The following TBXAS1 variants were observed in gnomAD, a reference collection of about 807,000 sequenced individuals.
The protein encoded by TBXAS1 is thromboxane-A synthase.
TBXAS1 carries 48 observed loss-of-function variants against 60.7 expected under a neutral mutation model. The ratio of observed to expected loss-of-function variants is 0.79; its 90% CI spans 0.63 to 1.01. The LOEUF is 1.01. Among genes scored for constraint, TBXAS1 ranks in the 50% least tolerant of loss-of-function variants. TBXAS1 has a pLI of 0.00. For missense variants in TBXAS1, 685 were observed against 686.3 expected (o/e 1.00, Z 0.02); for synonymous variants, 287 against 269.7 (o/e 1.06, Z -0.63).
chr7:139,939,021 C>T (rs935414572), intron 5 of TBXAS1, among the ~76,000 whole-genome samples: 3 of 152,142 alleles, frequency 2.0e-5, no homozygotes, highest in African/African-American at 7.2e-5. Flanking sequence ...ATGCATAGTG[C>T]CTGAATTAAT....
At chr7:139,992,158 G>A (rs929625441) in intron 9 of TBXAS1, among the ~76,000 whole-genome samples, 3 of 152,194 alleles carry the variant, frequency 2.0e-5, no homozygotes, top group Admixed American at 2.0e-4. Flanking sequence ...AGGCCAGCTG[G>A]CAGCCCCCCT....
chr7:139,961,125 G>A (rs948199517), intron 8 of TBXAS1, among the ~76,000 whole-genome samples: 3 of 152,188 alleles, frequency 2.0e-5, no homozygotes, highest in Non-Finnish European at 4.4e-5. Context: ...CTACTTAAAC[G>A]GGGGCAGGGG....
chr7:139,987,637 G>T (rs142775313), intron 9 of TBXAS1, among the ~76,000 whole-genome samples: 124 of 152,178 alleles, frequency 8.1e-4, no homozygotes, highest in South Asian at 1.5e-3. Flanking sequence ...CAGGACCCCC[G>T]ACCCTAAAAC....
At position 140,015,693 on chromosome 7, in the gene TBXAS1, T is replaced by C. The variant is rs778186591; in HGVS notation, c.1227-30T>C. The C allele has an allele frequency of 3.1e-6, 5 of 1,611,630 alleles. No individual in the cohort carries two copies. The South Asian group carries it at 5.5e-5, about 18-fold the overall frequency. ...AGCTCTGCTCCTCATCTCTTCTCTG[T>C]ATCCACCCCCGACCTGGTGTTTCCC... On this transcript the variant is annotated intron_variant, in intron 10 of 12. Coordinates refer to ENST00000448866, the MANE Select transcript of TBXAS1 (RefSeq NM_001061.7).
intron 3 of TBXAS1, among the ~76,000 whole-genome samples, chr7:139,903,573 T>C (rs916877015): frequency 7.9e-5 from 12 of 152,068 alleles, no homozygotes; most frequent in Admixed American, 5.2e-4. Context: ...AGGGTAGAAG[T>C]GCTCCCTGAT....
intron 9 of TBXAS1, among the ~76,000 whole-genome samples, chr7:139,988,538 G>C (rs900469281): frequency 6.6e-6 from 1 of 152,140 alleles, no homozygotes; most frequent in Admixed American, 6.5e-5. Flanking sequence ...CTTCTGCCGT[G>C]GTCCTGCCCA....
At chr7:139,981,120 A>G (rs1278689681) in intron 9 of TBXAS1, among the ~76,000 whole-genome samples, 1 of 152,062 alleles carries the variant, frequency 6.6e-6, no homozygotes, top group Non-Finnish European at 1.5e-5. Flanking sequence ...TGTTATTGTT[A>G]TTTTTGAGAC....
At chr7:139,817,843 T>G (rs1798190529) in intron 4 of TBXAS1, among the ~76,000 whole-genome samples, 1 of 152,250 alleles carries the variant, frequency 6.6e-6, no homozygotes, top group Non-Finnish European at 1.5e-5. Context: ...TGAGCCAGGT[T>G]CTTGGATTAT....
At chr7:139,790,619 A>G (rs1227382754) in intron 4 of TBXAS1, among the ~76,000 whole-genome samples, 2 of 152,350 alleles carry the variant, frequency 1.3e-5, no homozygotes, top group African/African-American at 4.8e-5. Flanking sequence ...TGATCAAACT[A>G]AATGAATGTA....
chr7:139,995,055 G>C lies in TBXAS1; in HGVS notation c.1135-12036G>C, dbSNP rs567634759. The stretch of plus-strand genomic sequence containing the variant: ...CCCTTTCTCCCAGGCCCTCAGATGA[G>C]ACATTTTTATAAACATCCAGGCAGG... On this transcript the variant is annotated intron_variant, in intron 9 of 12. Transcript: ENST00000448866. Among the ~76,000 whole-genome samples, 173 of 152,252 alleles carry C rather than the reference G, an allele frequency of 1.1e-3. 1 individual carries two copies. Among genetic ancestry groups the C allele is most frequent in the Non-Finnish European group, 2.0e-3 (135 of 68,018 alleles).
rs1811661299 is a variant in TBXAS1, at chr7:139,977,636, C to T, written c.1134+15403C>T. On this transcript the variant is annotated intron_variant, in intron 9 of 12. Coordinates refer to ENST00000448866, the MANE Select transcript of TBXAS1 (RefSeq NM_001061.7). Reference sequence around the variant, plus strand: ...AATTAAGAGGAAATGCTTCTGGCTGCCAGGGGTGGGGTGGGGTAGGATGCA... The same window carrying T: ...AATTAAGAGGAAATGCTTCTGGCTGTCAGGGGTGGGGTGGGGTAGGATGCA... Among the ~76,000 whole-genome samples, 3 of 152,148 alleles carry T rather than the reference C, an allele frequency of 2.0e-5. No individual in the cohort carries two copies. In the South Asian group the frequency reaches 6.2e-4, roughly 32 times the overall value.
At chr7:139,880,215 G>A (rs1467904805) in intron 3 of TBXAS1, among the ~76,000 whole-genome samples, 1 of 152,108 alleles carries the variant, frequency 6.6e-6, no homozygotes, top group African/African-American at 2.4e-5. Flanking sequence ...TTGCTCTATA[G>A]TTCTGCTTTT....
intron 4 of TBXAS1, among the ~76,000 whole-genome samples, chr7:139,933,707 C>A (rs1194309819): frequency 6.6e-6 from 1 of 152,058 alleles, no homozygotes; most frequent in African/African-American, 2.4e-5. Flanking sequence ...TATAATTTTC[C>A]TCTAAATAGG....
At chr7:139,792,935 C>T (rs999146274) in intron 4 of TBXAS1, among the ~76,000 whole-genome samples, 3 of 152,090 alleles carry the variant, frequency 2.0e-5, no homozygotes, top group African/African-American at 2.4e-5. Flanking sequence ...ATGCTTGGTG[C>T]GAAGTAGGGT....
intron 4 of TBXAS1, among the ~76,000 whole-genome samples, chr7:139,931,025 C>T (rs1167077502): frequency 1.3e-5 from 2 of 151,956 alleles, no homozygotes; most frequent in Non-Finnish European, 2.9e-5. Context: ...GAAACACATT[C>T]ACATTTTGAT....
At chr7:139,903,708 C>T (rs900822542) in intron 3 of TBXAS1, among the ~76,000 whole-genome samples, 4 of 152,040 alleles carry the variant, frequency 2.6e-5, no homozygotes, top group African/African-American at 9.7e-5. Flanking sequence ...ATCAGTGATG[C>T]TGAGCATTTT....
In TBXAS1 at chr7:139,937,677, CA is replaced by C. The variant is rs570934238; in HGVS notation, c.450+1371del. Among the ~76,000 whole-genome samples the C allele has an allele frequency of 2.9e-3, 446 of 152,238 alleles. 1 individual carries two copies. Among genetic ancestry groups the C allele is most frequent in the African/African-American group, 0.01 (429 of 41,532 alleles). ...TAAATACCATCATCCTTATTATTAC[CA>C]TCCCATTTTACAGAGGAGGAAACTA... On this transcript the variant is annotated intron_variant, in intron 5 of 12. Transcript: ENST00000448866.
chr7:139,817,377 G>C (rs1241623368), intron 4 of TBXAS1, among the ~76,000 whole-genome samples: 1 of 152,076 alleles, frequency 6.6e-6, no homozygotes, highest in Non-Finnish European at 1.5e-5. Flanking sequence ...GGCCTGTCCT[G>C]TGGGCAAAGT....
intron 4 of TBXAS1, among the ~76,000 whole-genome samples, chr7:139,816,952 A>C (rs906790470): frequency 6.6e-6 from 1 of 152,132 alleles, no homozygotes; most frequent in Non-Finnish European, 1.5e-5. Flanking sequence ...AGAATTTTCC[A>C]GCAAGTAGAA....
Sources: allele counts gnomAD v4.1 joint callset (sites outside exome capture counted in the v4.1 genomes callset), GRCh38; gene constraint gnomAD v4.1.1; transcripts MANE v1.5; gene names NCBI Gene and HGNC (gene_info 2026-07-23, HGNC 2026-07-21).